ADAMTS17: variants seen among roughly 807,000 people sequenced by gnomAD.
ADAMTS17 encodes the protein ADAM metallopeptidase with thrombospondin type 1 motif 17, also known as A disintegrin and metalloproteinase with thrombospondin motifs 17.
ADAMTS17 carries 113 observed loss-of-function variants against 141.5 expected under a neutral mutation model. The ratio of observed to expected loss-of-function variants is 0.80; its 90% confidence interval spans 0.69 to 0.93. The LOEUF (loss-of-function observed/expected upper bound fraction) is 0.93, where lower values mean the gene tolerates loss of function less well. Among genes scored for constraint, ADAMTS17 ranks in the 40% least tolerant of loss-of-function variants. The pLI is 0.00. For synonymous variants in ADAMTS17, 768 were observed against 630.6 expected (o/e 1.22, Z -3.27); for missense variants, 1,659 against 1,517.9 (o/e 1.09, Z -1.54).
chr15:100,050,326 A>T (rs1391064444), intron 17 of ADAMTS17, among the ~76,000 whole-genome samples: 1 of 152,214 alleles, frequency 6.6e-6, no homozygotes, highest in African/African-American at 2.4e-5. Context: ...CAAGCTGCCC[A>T]AGAGGAAAAC....
intron 8 of ADAMTS17, among the ~76,000 whole-genome samples, chr15:100,189,078 C>G (rs1412017702): frequency 3.3e-5 from 5 of 152,188 alleles, no homozygotes; most frequent in Admixed American, 3.3e-4. Flanking sequence ...CCTGGCAGGC[C>G]TGAGCCCTGC....
At chr15:100,070,214 C>T in intron 15 of ADAMTS17, among the ~76,000 whole-genome samples, 2 of 149,412 alleles carry the variant, frequency 1.3e-5, no homozygotes, top group Non-Finnish European at 1.5e-5. Flanking sequence ...TATATGCACC[C>T]AATACAGGAG....
At position 100,051,512 on chromosome 15, in the gene ADAMTS17, C is replaced by T. The variant is rs867364807; in HGVS notation, c.2455+60G>A. On this transcript the variant is annotated intron_variant, in intron 17 of 21. Coordinates refer to ENST00000268070, the MANE Select transcript of ADAMTS17 (RefSeq NM_139057.4). ...ACACTCTGCGTGCTGGCCACAGATG[C>T]CTTTCTCCTTCCTTCAGCAAAACCC... 4 of 1,609,840 alleles carry T rather than the reference C, an allele frequency of 2.5e-6. No homozygotes were observed. The African/African-American group carries it at 4.0e-5, about 16-fold the overall frequency.
At chr15:100,139,657 G>A (rs1596536881) in intron 10 of ADAMTS17, among the ~76,000 whole-genome samples, 1 of 152,232 alleles carries the variant, frequency 6.6e-6, no homozygotes, top group Non-Finnish European at 1.5e-5. Context: ...CACCAGTAAC[G>A]AGACATAATG....
intron 13 of ADAMTS17, among the ~76,000 whole-genome samples, chr15:100,110,215 A>C (rs1036888336): frequency 7.4e-6 from 1 of 135,354 alleles, no homozygotes; most frequent in Non-Finnish European, 1.6e-5. Context: ...CAGTATATAT[A>C]TATTTTTATA....
At chr15:100,233,330 CA>C (rs34011548) in intron 7 of ADAMTS17, among the ~76,000 whole-genome samples, 462 of 137,258 alleles carry the variant, frequency 3.4e-3, no homozygotes, top group East Asian at 0.026. Context: ...AACTCCATCT[CA>C]AAAAAAAAAA....
intron 12 of ADAMTS17, among the ~76,000 whole-genome samples, chr15:100,119,555 C>A (rs1443436005): frequency 2.6e-5 from 4 of 152,228 alleles, no homozygotes; most frequent in African/African-American, 9.6e-5. Flanking sequence ...TTTCCAGTAG[C>A]TGATTTCTCC....
In ADAMTS17 at chr15:100,149,321, C is replaced by A. The variant is rs558649128; in HGVS notation, c.1473+3291G>T. ...TTCTGCATTTTCTTCCCCAAAAGAG[C>A]GTGAGTGTGTTGGATAGAGTTCAAA... is the stretch of plus-strand genomic sequence containing the variant. On this transcript the variant is annotated intron_variant, in intron 10 of 21. Transcript: ENST00000268070. 3.3e-5 allele frequency among the ~76,000 whole-genome samples: 5 copies of A among 152,332 alleles called. No homozygotes were observed. The South Asian group carries it at 1.0e-3, about 32-fold the overall frequency.
intron 15 of ADAMTS17, among the ~76,000 whole-genome samples, chr15:100,084,492 T>C (rs1158841708): frequency 1.3e-5 from 2 of 151,868 alleles, no homozygotes; most frequent in Non-Finnish European, 1.5e-5. Context: ...TTGAAGAGAG[T>C]AGTAGTTCTC....
chr15:100,133,453 T>C, intron 10 of ADAMTS17, 138 bp from the exon 11 acceptor site: 1 of 775,840 alleles, frequency 1.3e-6, no homozygotes, highest in Non-Finnish European at 2.2e-6. Flanking sequence ...GTCATAAGTC[T>C]GTATGTCCAA....
At chr15:100,084,415 G>A (rs1326108020) in intron 15 of ADAMTS17, among the ~76,000 whole-genome samples, 2 of 152,192 alleles carry the variant, frequency 1.3e-5, no homozygotes, top group East Asian at 3.9e-4. Context: ...CACCTCTGGG[G>A]GCAGGGCACA....
chr15:99,997,700 G>T lies in ADAMTS17; in HGVS notation c.2592-111C>A. On this transcript the variant is annotated intron_variant, in intron 18 of 21. Coordinates refer to ENST00000268070, the MANE Select transcript of ADAMTS17 (RefSeq NM_139057.4). The surrounding 1 kb of genome is among the most constrained non-coding windows in gnomAD (Gnocchi z 4.7). ...CTGCCCTGTGGTGGGAGAGAGGGAG[G>T]CAGACTCAGGAAGCTTTTCAGCCAA... 1 of 1,368,394 alleles carries T rather than the reference G, an allele frequency of 7.3e-7. No homozygotes were observed. Among genetic ancestry groups the T allele is most frequent in the Non-Finnish European group, 1.0e-6 (1 of 975,336 alleles). The allele number at this position is 1,368,394 out of a possible 1,614,324, so 84.8% of individuals were successfully genotyped here.
chr15:100,298,473 T>C (rs1204646392), intron 3 of ADAMTS17, among the ~76,000 whole-genome samples: 1 of 152,020 alleles, frequency 6.6e-6, no homozygotes, highest in African/African-American at 2.4e-5. Flanking sequence ...CTCATCTGAG[T>C]GTTTACATGT....
intron 15 of ADAMTS17, among the ~76,000 whole-genome samples, chr15:100,059,618 C>G (rs1028053152): frequency 2.0e-5 from 3 of 152,204 alleles, no homozygotes; most frequent in Admixed American, 2.0e-4. Context: ...TTTGGGACGT[C>G]AAGATCATTT....
chr15:100,224,456 G>A (rs1440775794), intron 7 of ADAMTS17, among the ~76,000 whole-genome samples: 1 of 152,164 alleles, frequency 6.6e-6, no homozygotes, highest in African/African-American at 2.4e-5. Context: ...TTGAGATACA[G>A]ACAAGGTTAC....
chr15:100,317,454 G>A (rs991607310), intron 3 of ADAMTS17, among the ~76,000 whole-genome samples: 2 of 152,132 alleles, frequency 1.3e-5, no homozygotes, highest in African/African-American at 4.8e-5. Flanking sequence ...CAGCCTCAAA[G>A]GAGCAGAGGG....
intron 7 of ADAMTS17, among the ~76,000 whole-genome samples, chr15:100,228,848 T>G (rs2042389342): frequency 6.6e-6 from 1 of 152,182 alleles, no homozygotes; most frequent in South Asian, 2.1e-4. Flanking sequence ...CCTGCCTACC[T>G]GTGGGAGGAT....
rs143891379 is a variant in ADAMTS17, at chr15:99,976,128, G to A, written c.3044C>T (p.Ser1015Leu). 1,496 of 1,551,184 alleles carry A rather than the reference G, an allele frequency of 9.6e-4. 2 individuals are homozygous for A. The highest frequency in any genetic ancestry group is 1.2e-3 in the Non-Finnish European group (1,363 of 1,146,952). ...GCACTGTCTGTAGGGGGCAGGCTTC[G>A]AGAGGGCGGGGCACTCGCTGCCGTG... ...GRHGSECPALSKPAPYRQCYQ... is the reference protein window; with the variant it reads ...GRHGSECPALLKPAPYRQCYQ... The change falls in exon 21 of 22, where the codon TCG (serine) becomes TTG (leucine). Residue 1015 changes from serine (S) to leucine (L), a missense_variant. Transcript: ENST00000268070.
intron 7 of ADAMTS17, among the ~76,000 whole-genome samples, chr15:100,215,226 GC>G (rs1001817188): frequency 4.6e-5 from 7 of 152,220 alleles, no homozygotes; most frequent in African/African-American, 1.7e-4. Context: ...AGTTGGTGAA[GC>G]AAACTTCCCA....
Sources: allele counts gnomAD v4.1 joint callset (sites outside exome capture counted in the v4.1 genomes callset), GRCh38; gene constraint gnomAD v4.1.1; non-coding constraint Gnocchi (gnomAD v3.1); transcripts MANE v1.5; gene names NCBI Gene and HGNC (gene_info 2026-07-23, HGNC 2026-07-21).